The following SLC13A4 variants were observed in gnomAD, a reference collection of about 807,000 sequenced individuals.
SLC13A4 encodes the protein solute carrier family 13 member 4.
Under a neutral mutation model 72.7 loss-of-function variants are expected in SLC13A4, and 28 were observed. The ratio of observed to expected loss-of-function variants is 0.39; its 90% CI spans 0.29 to 0.53. SLC13A4 has a LOEUF of 0.53. SLC13A4 is among the 20% of genes least tolerant of loss of function. The pLI is 0.78. For synonymous variants in SLC13A4, 312 were observed against 325.5 expected, an observed-to-expected ratio of 0.96 and a Z score of 0.45; for missense variants, 653 against 788.0, an observed-to-expected ratio of 0.83 and a Z score of 2.05.
chr7:135,721,261 T>C, intron 2 of SLC13A4, 134 bp downstream of exon 2: 1 of 995,916 alleles, frequency 1.0e-6, no homozygotes, highest in Non-Finnish European at 1.5e-6. Flanking sequence ...CAAAGCTTAG[T>C]GTTAAGGGGT....
At chr7:135,712,730 T>G (rs377598167) in intron 2 of SLC13A4, among the ~76,000 whole-genome samples, 5 of 152,294 alleles carry the variant, frequency 3.3e-5, no homozygotes, top group South Asian at 2.1e-4. Flanking sequence ...TTCAGTGGTG[T>G]TGTTTATTAG....
chr7:135,715,385 G>A (rs574511237), intron 2 of SLC13A4, among the ~76,000 whole-genome samples: 20 of 148,050 alleles, frequency 1.4e-4, no homozygotes, highest in Middle Eastern at 6.8e-3. Flanking sequence ...GTGTGAGTGT[G>A]TATGTGTGAA....
intron 12 of SLC13A4, 104 bp downstream of exon 12, chr7:135,691,444 G>T (rs1222872729): frequency 5.1e-6 from 4 of 782,782 alleles, no homozygotes; most frequent in Admixed American, 4.3e-5. Flanking sequence ...GGGGCCGGGA[G>T]GGGGGTGGGA....
chr7:135,700,457 T>G (rs1796005378), intron 7 of SLC13A4, among the ~76,000 whole-genome samples: 1 of 152,088 alleles, frequency 6.6e-6, no homozygotes, highest in South Asian at 2.1e-4. Flanking sequence ...TTGCCACATC[T>G]CTCAAAGCCC....
chr7:135,696,426 G>A (rs1421007048), intron 8 of SLC13A4, among the ~76,000 whole-genome samples: 1 of 152,002 alleles, frequency 6.6e-6, no homozygotes, highest in African/African-American at 2.4e-5. Flanking sequence ...TCAGCTCACT[G>A]CAACTTCCGC....
At chr7:135,712,669 A>G (rs1796330336) in intron 2 of SLC13A4, among the ~76,000 whole-genome samples, 2 of 152,160 alleles carry the variant, frequency 1.3e-5, no homozygotes, top group African/African-American at 4.8e-5. Flanking sequence ...TCATCCATGC[A>G]CAGAGCAAAG....
intron 13 of SLC13A4, among the ~76,000 whole-genome samples, chr7:135,686,228 G>C (rs146591812): frequency 3.8e-3 from 574 of 152,316 alleles, no homozygotes; most frequent in African/African-American, 0.013. Context: ...TTTTACAGGA[G>C]TAATAAAGTA....
chr7:135,682,892 A>C (rs1046138851), intron 15 of SLC13A4, among the ~76,000 whole-genome samples: 8 of 152,196 alleles, frequency 5.3e-5, no homozygotes, highest in African/African-American at 1.9e-4. Flanking sequence ...GGTAGAGCTC[A>C]GCGTGAGCAG....
Position 135,695,490 on chromosome 7 carries a change from G to T in SLC13A4, c.900-3C>A. The T allele has an allele frequency of 6.2e-7, 1 of 1,613,544 alleles. No individual in the cohort carries two copies. ...CCACCTCTGCGGCTGGATACTGGCT[G>T]GAGGGTAAAGAACCAGGTCAGCAAT... On this transcript the variant is annotated splice_polypyrimidine_tract_variant and splice_region_variant and intron_variant, in intron 8 of 15. Coordinates refer to ENST00000682651, the MANE Select transcript of SLC13A4 (RefSeq NM_001318192.2).
At chr7:135,701,622 G>T in intron 7 of SLC13A4, 58 bp downstream of exon 7, 2 of 1,545,412 alleles carry the variant, frequency 1.3e-6, no homozygotes, top group South Asian at 1.1e-5. Context: ...AGTGCCCTTG[G>T]GAAGCAGTTC....
At chr7:135,698,980 G>C (rs530724981) in intron 8 of SLC13A4, among the ~76,000 whole-genome samples, 1 of 151,812 alleles carries the variant, frequency 6.6e-6, no homozygotes, top group Non-Finnish European at 1.5e-5. Context: ...TTGCTCTATC[G>C]CTCAGGCTCG....
rs556996388 is a variant in SLC13A4, at chr7:135,687,921, A to T, written c.1447-2238T>A. On this transcript the variant is annotated intron_variant, in intron 13 of 15. Transcript: ENST00000682651. ...TGCCTCCCGGGTCCAAATGATTCTC[A>T]TGCCTCAGCCTCTTGGGTAGCTGGG... Among the ~76,000 whole-genome samples the T allele has an allele frequency of 1.4e-3, 212 of 150,246 alleles. 1 individual carries two copies. Among genetic ancestry groups the T allele is most frequent in the African/African-American group, 5.0e-3 (202 of 40,782 alleles).
At chr7:135,721,316 G>A (rs753806164) in intron 2 of SLC13A4, 79 bp downstream of exon 2, 4 of 1,547,154 alleles carry the variant, frequency 2.6e-6, no homozygotes, top group Non-Finnish European at 3.5e-6. Flanking sequence ...AGTGCTGGGT[G>A]AATCTCCCTT....
Position 135,681,546 on chromosome 7 carries a change from A to G in SLC13A4, c.*17T>C, listed in dbSNP as rs1310584237. 27 of 1,610,280 alleles carry G rather than the reference A, an allele frequency of 1.7e-5. No individual in the cohort carries two copies. The highest frequency in any genetic ancestry group is 2.2e-5 in the Non-Finnish European group (26 of 1,177,818). Reference sequence around the variant, plus strand: ...TACTGGCAGCTCCTGTGGTTGGGCCAGTTTGTACACTTGGCGTTAGGCTTG... The same window carrying G: ...TACTGGCAGCTCCTGTGGTTGGGCCGGTTTGTACACTTGGCGTTAGGCTTG... On this transcript the variant is annotated 3_prime_UTR_variant, in exon 16 of 16. Transcript: ENST00000682651.
At chr7:135,701,835 T>G (rs1186752743) in intron 6 of SLC13A4, 75 bp from the exon 7 acceptor site, 1 of 1,445,668 alleles carries the variant, frequency 6.9e-7, no homozygotes, top group Non-Finnish European at 9.7e-7. Context: ...GACCACCTAG[T>G]CATCCCAGGG....
At position 135,699,314 on chromosome 7, in the gene SLC13A4, G is replaced by T; in HGVS notation, c.899+50C>A. 2.0e-6 allele frequency: 3 copies of T among 1,516,704 alleles called. No individual in the cohort carries two copies. The South Asian group carries it at 3.9e-5, about 20-fold the overall frequency. 94.0% of individuals were successfully genotyped at this position (1,516,704 alleles called of 1,614,324 possible). A position where few individuals can be genotyped will look rare whatever the true frequency, so the allele number is the denominator to read the frequency against. ...ATCTCTAGCACCTAGTCCAGTTCCT[G>T]ACACACAGTGGTGGTTAGTAAATAT... On this transcript the variant is annotated intron_variant, in intron 8 of 15. Coordinates refer to ENST00000682651, the MANE Select transcript of SLC13A4 (RefSeq NM_001318192.2).
chr7:135,695,423 G>A lies in SLC13A4; in HGVS notation c.964C>T (p.Leu322Phe). Residue 322 changes from leucine (L) to phenylalanine (F), a missense_variant, in exon 9 of 16, where the codon CTC (leucine) becomes TTC (phenylalanine). Transcript: ENST00000682651. ...TWFLFSFPIS[L>F]IMLVVSWFWM... ...AACCAGCTGACCACCAGCATGATGA[G>A]GGATATGGGGAAGCTGAAGAGGAAC... 2 of 1,614,192 alleles carry A rather than the reference G, an allele frequency of 1.2e-6. No individual in the cohort carries two copies. The highest frequency in any genetic ancestry group is 2.2e-5 in the East Asian group (1 of 44,894).
chr7:135,692,450 C>T (rs1436734784), intron 10 of SLC13A4, 26 bp from the exon 11 acceptor site: 25 of 1,525,122 alleles, frequency 1.6e-5, no homozygotes, highest in Non-Finnish European at 2.2e-5. Flanking sequence ...GAAAGACCCA[C>T]TCAGGAACTG....
At chr7:135,681,767 C>T (rs1795508201) in intron 15 of SLC13A4, 67 bp from the exon 16 acceptor site, 5 of 1,568,364 alleles carry the variant, frequency 3.2e-6, no homozygotes, top group African/African-American at 1.3e-5. Flanking sequence ...CCAAGTCCCC[C>T]TTCTGTTCCT....
Sources: gnomAD v4.1 joint callset for allele counts (sites outside exome capture counted in the v4.1 genomes callset) on GRCh38, gnomAD v4.1.1 for gene constraint, MANE v1.5 for transcripts, NCBI Gene and HGNC (gene_info 2026-07-23, HGNC 2026-07-21) for gene names.